Variants in CLIC4 observed in about 807,000 individuals in gnomAD.
CLIC4 encodes chloride intracellular channel protein 4.
In CLIC4, 13 loss-of-function variants were observed where a neutral mutation model predicts 24.6. That is an observed-to-expected ratio of 0.53 (90% confidence interval 0.34 to 0.84). The LOEUF is 0.84. Ranked by LOEUF, CLIC4 falls within the 40% of genes least tolerant of loss-of-function variation. The pLI is 0.01. For synonymous variants in CLIC4, 104 were observed against 111.3 expected (o/e 0.93, Z 0.41); for missense variants, 227 against 301.7 (o/e 0.75, Z 1.83).
intron 1 of CLIC4, among the ~76,000 whole-genome samples, chr1:24,779,426 C>T (rs542324132): frequency 4.9e-4 from 74 of 152,214 alleles, no homozygotes; most frequent in African/African-American, 1.7e-3. Flanking sequence ...GCCGTGATTG[C>T]GCCACTGTAC....
chr1:24,809,442 T>C (rs1346755797), intron 2 of CLIC4, among the ~76,000 whole-genome samples: 3 of 152,126 alleles, frequency 2.0e-5, no homozygotes, highest in African/African-American at 7.2e-5. Context: ...AAAATTCTGA[T>C]GACGAAGTAT....
At chr1:24,817,760 C>A (rs1160264946) in intron 3 of CLIC4, among the ~76,000 whole-genome samples, 1 of 152,202 alleles carries the variant, frequency 6.6e-6, no homozygotes, top group East Asian at 1.9e-4. Context: ...TAAGCAGAAT[C>A]ATTTCTAGCT....
chr1:24,771,449 TTTC>T (rs1359441968), intron 1 of CLIC4, among the ~76,000 whole-genome samples: 9 of 152,170 alleles, frequency 5.9e-5, no homozygotes, highest in African/African-American at 2.4e-5. Context: ...TATTTTCTTT[TTTC>T]TTCTTTTTAT....
intron 1 of CLIC4, among the ~76,000 whole-genome samples, chr1:24,771,226 G>C (rs1052470255): frequency 3.9e-5 from 6 of 152,192 alleles, no homozygotes; most frequent in African/African-American, 1.2e-4. Context: ...GGGGTTTTAG[G>C]GATCAGTTCA....
At chr1:24,795,726 C>T (rs899466638) in intron 1 of CLIC4, among the ~76,000 whole-genome samples, 9 of 152,090 alleles carry the variant, frequency 5.9e-5, no homozygotes, top group African/African-American at 1.9e-4. Flanking sequence ...TGCGCCACAA[C>T]GCCTGGCTAA....
At chr1:24,787,483 A>C (rs927610733) in intron 1 of CLIC4, among the ~76,000 whole-genome samples, 2 of 152,152 alleles carry the variant, frequency 1.3e-5, no homozygotes, top group Non-Finnish European at 2.9e-5. Context: ...TAAAATATAC[A>C]GTTCAGTGGT....
chr1:24,761,149 T>G (rs1010221071), intron 1 of CLIC4, among the ~76,000 whole-genome samples: 2 of 152,154 alleles, frequency 1.3e-5, no homozygotes, highest in African/African-American at 4.8e-5. Context: ...GGAGTTGTCA[T>G]TAACTGAGGT....
At chr1:24,770,476 T>G (rs954433222) in intron 1 of CLIC4, among the ~76,000 whole-genome samples, 26 of 152,328 alleles carry the variant, frequency 1.7e-4, no homozygotes, top group Non-Finnish European at 3.7e-4. Flanking sequence ...CCAGTGCTTT[T>G]GGATCTGTTT....
At chr1:24,781,964 T>G (rs994955077) in intron 1 of CLIC4, among the ~76,000 whole-genome samples, 4 of 152,166 alleles carry the variant, frequency 2.6e-5, no homozygotes, top group African/African-American at 7.2e-5. Context: ...AGGACCTAAT[T>G]TTTAAAGACT....
At chr1:24,785,601 C>G (rs1007894982) in intron 1 of CLIC4, among the ~76,000 whole-genome samples, 1 of 152,068 alleles carries the variant, frequency 6.6e-6, no homozygotes, top group Non-Finnish European at 1.5e-5. Context: ...CGCCTGTAGT[C>G]CCAGCACTTT....
chr1:24,760,481 TA>T, intron 1 of CLIC4, among the ~76,000 whole-genome samples: 1 of 152,310 alleles, frequency 6.6e-6, no homozygotes, highest in African/African-American at 2.4e-5. Context: ...TTTCCACTCT[TA>T]ACCCCCACCG....
At chr1:24,785,809 C>G (rs190141087) in intron 1 of CLIC4, among the ~76,000 whole-genome samples, 1 of 128,906 alleles carries the variant, frequency 7.8e-6, no homozygotes, top group South Asian at 2.5e-4. Context: ...CTGCTGAGAT[C>G]GTGCCATTTC....
intron 1 of CLIC4, among the ~76,000 whole-genome samples, chr1:24,791,597 C>T (rs932566116): frequency 5.9e-5 from 9 of 151,898 alleles, no homozygotes; most frequent in Non-Finnish European, 8.8e-5. Context: ...AAAATTGGGC[C>T]GGGCGGCGTG....
chr1:24,808,036 C>T (rs562234592), intron 2 of CLIC4, among the ~76,000 whole-genome samples: 11 of 151,866 alleles, frequency 7.2e-5, no homozygotes, highest in South Asian at 2.1e-4. Context: ...CTGCAACCTT[C>T]ACCTCCCGGA....
chr1:24,788,281 C>T (rs190228730), intron 1 of CLIC4, among the ~76,000 whole-genome samples: 379 of 152,308 alleles, frequency 2.5e-3, no homozygotes, highest in Non-Finnish European at 4.0e-3. Context: ...TTAGCCACCA[C>T]GCCTGGCCAC....
chr1:24,808,770 G>A (rs1352213273), intron 2 of CLIC4, among the ~76,000 whole-genome samples: 6 of 150,628 alleles, frequency 4.0e-5, no homozygotes, highest in African/African-American at 7.3e-5. Flanking sequence ...TCCGCCTCTC[G>A]GGTTCAAGCG....
chr1:24,792,122 ATATG>A (rs1639347090), intron 1 of CLIC4, among the ~76,000 whole-genome samples: 1 of 151,138 alleles, frequency 6.6e-6, no homozygotes, highest in Non-Finnish European at 1.5e-5. Flanking sequence ...TTATACATAT[ATATG>A]TGCATGTGTG....
rs1638678048 is a variant in CLIC4, at chr1:24,745,611, G to A, written c.58G>A (p.Glu20Lys). The change falls in exon 1 of 6, where the codon GAG (glutamate) becomes AAG (lysine). Residue 20 changes from glutamate (E) to lysine (K), a missense_variant. Glu to Lys is a moderately conservative substitution (Grantham distance 56, BLOSUM62 1). Transcript: ENST00000374379. The stretch of plus-strand genomic sequence containing the variant: ...GGAGGAGGACAAAGAGCCCCTCATC[G>A]AGCTCTTCGTCAAGGTGAGCGCTCG... ...LKEEDKEPLIELFVKAGSDGE... is the reference protein window; with the variant it reads ...LKEEDKEPLIKLFVKAGSDGE... 1.3e-6 allele frequency: 2 copies of A among 1,574,252 alleles called. No homozygotes were observed. Among genetic ancestry groups the A allele is most frequent in the African/African-American group, 2.8e-5 (2 of 72,008 alleles).
chr1:24,781,583 G>T (rs888596352), intron 1 of CLIC4, among the ~76,000 whole-genome samples: 2 of 152,022 alleles, frequency 1.3e-5, no homozygotes, highest in African/African-American at 4.8e-5. Flanking sequence ...GAACGGGAGT[G>T]GGGGTGGAGC....
Sources: allele counts gnomAD v4.1 joint callset (sites outside exome capture counted in the v4.1 genomes callset), GRCh38; gene constraint gnomAD v4.1.1; transcripts MANE v1.5; gene names NCBI Gene and HGNC (gene_info 2026-07-23, HGNC 2026-07-21).